The following NR4A2 variants were observed in gnomAD, a reference collection of about 807,000 sequenced individuals.
The protein encoded by NR4A2 is nuclear receptor subfamily 4 group A member 2.
NR4A2 carries 1 observed loss-of-function variant against 50.5 expected under a neutral mutation model. The observed-to-expected ratio is 0.02, with a 90% CI of 0.01 to 0.09. The LOEUF (loss-of-function observed/expected upper bound fraction) is 0.09. Among genes scored for constraint, NR4A2 ranks in the 10% least tolerant of loss-of-function variants. NR4A2 has a pLI of 1.00. For missense variants in NR4A2, 613 were observed against 777.3 expected (o/e 0.79, Z 2.51); for synonymous variants, 328 against 309.4 (o/e 1.06, Z -0.63).
Position 156,326,797 on chromosome 2 carries a change from C to G in NR4A2, c.1282G>C (p.Ala428Pro), listed in dbSNP as rs1202943200. ...TCTTGGTCGGCTTTGGGCAGGTCTG[C>G]GAAGCCAGGGATCTTCTCTGCCCAG... ...RGWAEKIPGF[A>P]DLPKADQDLL... The change falls in exon 6 of 8, where the codon GCA (alanine) becomes CCA (proline). Residue 428 changes from alanine (A) to proline (P), a missense_variant. Coordinates refer to ENST00000339562, the MANE Select transcript of NR4A2 (RefSeq NM_006186.4). This position sits in a 1 kb window ranked among gnomAD's most constrained non-coding sequence, Gnocchi z 4.2. 6.2e-7 allele frequency: 1 copy of G among 1,614,184 alleles called. No individual in the cohort carries two copies. Among genetic ancestry groups the G allele is most frequent in the Non-Finnish European group, 8.5e-7 (1 of 1,180,030 alleles).
intron 1 of NR4A2, 102 bp from the exon 2 acceptor site, chr2:156,330,893 G>T: frequency 9.7e-7 from 1 of 1,035,954 alleles, no homozygotes; most frequent in Non-Finnish European, 1.2e-6. Context: ...TTCCCTGTTT[G>T]TCTCATTGGA....
In NR4A2 at chr2:156,326,178, G is replaced by A; in HGVS notation, c.1512C>T (p.Ser504=). The A allele has an allele frequency of 6.2e-7, 1 of 1,614,260 alleles. No homozygotes were observed. Among genetic ancestry groups the A allele is most frequent in the East Asian group, 2.2e-5 (1 of 44,892 alleles). Residue 504 remains serine (S), a synonymous_variant, in exon 7 of 8, where the codon TCC becomes TCT. Coordinates refer to ENST00000339562, the MANE Select transcript of NR4A2 (RefSeq NM_006186.4). This position sits in a 1 kb window ranked among gnomAD's most constrained non-coding sequence, Gnocchi z 4.2. ...QNMNIDISAF[S]CIAALAMVTE... is the part of the protein sequence containing the mutation. Reference sequence around the variant, plus strand: ...TGACCATAGCCAGGGCAGCAATGCAGGAGAAGGCAGAAATGTCGATGTTCA... The same window carrying A: ...TGACCATAGCCAGGGCAGCAATGCAAGAGAAGGCAGAAATGTCGATGTTCA...
rs962137485 is a variant in NR4A2 at position 156,332,695 on chromosome 2, GC to G, written c.-343del. ...GCCGCCGGGCGGACTGGCCCTGGCC[GC>G]CAATGTGCCTTTGTTTATGTGGCTT... is the stretch of plus-strand genomic sequence containing the variant. On this transcript the variant is annotated 5_prime_UTR_variant, in exon 1 of 8. Transcript: ENST00000339562. 3 of 371,596 alleles carry G rather than the reference GC, an allele frequency of 8.1e-6. No individual in the cohort carries two copies. Among genetic ancestry groups the G allele is most frequent in the Non-Finnish European group, 1.6e-5 (3 of 189,548 alleles). 23.0% of individuals were successfully genotyped at this position (371,596 alleles called of 1,614,324 possible).
Position 156,325,607 on chromosome 2 carries a change from G to C in NR4A2, c.*137C>G. The stretch of plus-strand genomic sequence containing the variant: ...TTGTTTGTTTTCTTTAGGGATCAAG[G>C]GGGCTAGGAGGGTTACAGAAATGGG... On this transcript the variant is annotated 3_prime_UTR_variant, in exon 8 of 8. Coordinates refer to ENST00000339562, the MANE Select transcript of NR4A2 (RefSeq NM_006186.4). 9.1e-7 allele frequency: 1 copy of C among 1,101,360 alleles called. No individual in the cohort carries two copies. Among genetic ancestry groups the C allele is most frequent in the Admixed American group, 1.7e-5 (1 of 57,506 alleles). The allele number at this position is 1,101,360 out of a possible 1,614,324, so 68.2% of individuals were successfully genotyped here.
At position 156,328,516 on chromosome 2, in the gene NR4A2, A is replaced by C. The variant is rs770975527; in HGVS notation, c.882T>G (p.Asn294Lys). ...TATTTGCTAAACACACGTATTTTGCATTTTTTTGCACTGTGCGCTGCAAAA... is the reference window on the plus strand; with the variant it reads ...TATTTGCTAAACACACGTATTTTGCCTTTTTTTGCACTGTGCGCTGCAAAA... ...KGFFKRTVQK[N>K]AKYVCLANKN... Residue 294 changes from asparagine (N) to lysine (K), a missense_variant, in exon 4 of 8, where the codon AAT becomes AAG. By Grantham distance (94) the Asn-to-Lys change is moderately conservative. Around this residue, in one of 4 missense-constraint regions of NR4A2, gnomAD observed 27 missense variants for 120.7 expected, o/e 0.22. Transcript: ENST00000339562. This position sits in a 1 kb window ranked among gnomAD's most constrained non-coding sequence, Gnocchi z 4.9. 1.2e-6 allele frequency: 2 copies of C among 1,614,014 alleles called. No individual in the cohort carries two copies. Among genetic ancestry groups the C allele is most frequent in the African/African-American group, 2.7e-5 (2 of 74,906 alleles).
At position 156,325,522 on chromosome 2, in the gene NR4A2, G is replaced by C. The variant is rs1686601550; in HGVS notation, c.*222C>G. The stretch of plus-strand genomic sequence containing the variant: ...TGTTCTAAATCCAGGATGCCCCGGA[G>C]CCAAAATGCCCTTTCAGGTTCTGCC... On this transcript the variant is annotated 3_prime_UTR_variant, in exon 8 of 8. Coordinates refer to ENST00000339562, the MANE Select transcript of NR4A2 (RefSeq NM_006186.4). 3 of 600,226 alleles carry C rather than the reference G, an allele frequency of 5.0e-6. No homozygotes were observed. The South Asian group carries it at 5.8e-5, about 12-fold the overall frequency. The allele number at this position is 600,226 out of a possible 1,614,324, so 37.2% of individuals were successfully genotyped here. A position where few individuals can be genotyped will look rare whatever the true frequency, so the allele number is the denominator to read the frequency against.
intron 2 of NR4A2, 113 bp downstream of exon 2, chr2:156,330,555 G>T: frequency 8.8e-7 from 1 of 1,135,516 alleles, no homozygotes; most frequent in Non-Finnish European, 1.2e-6. Flanking sequence ...TGAGAAAGTT[G>T]TTCCCGAAGG....
chr2:156,326,265 G>C lies in NR4A2; in HGVS notation c.1425C>G (p.Cys475Trp). The stretch of plus-strand genomic sequence containing the variant: ...CAATCCATTCCCCAAAGCCACGAAC[G>C]CATTGCAACCTGTGCAAGACCACCC... The part of the protein sequence containing the change: ...CNGVVLHRLQ[C>W]VRGFGEWIDS... Residue 475 changes from cysteine (C) to tryptophan (W), a missense_variant, in exon 7 of 8, where the codon TGC becomes TGG. Coordinates refer to ENST00000339562, the MANE Select transcript of NR4A2 (RefSeq NM_006186.4). The surrounding 1 kb of genome is among the most constrained non-coding windows in gnomAD (Gnocchi z 4.2). 2 of 1,614,212 alleles carry C rather than the reference G, an allele frequency of 1.2e-6. No homozygotes were observed. Among genetic ancestry groups the C allele is most frequent in the Non-Finnish European group, 1.7e-6 (2 of 1,180,028 alleles).
rs200906379 is a variant in NR4A2, at chr2:156,329,476, G to T, written c.711C>A (p.Ile237=). 2.0e-5 allele frequency: 32 copies of T among 1,606,816 alleles called. No individual in the cohort carries two copies. The East Asian group carries it at 6.5e-4, about 33-fold the overall frequency. The change falls in exon 3 of 8, where the codon ATC becomes ATA. Residue 237 remains isoleucine (I), a synonymous_variant. Coordinates refer to ENST00000339562, the MANE Select transcript of NR4A2 (RefSeq NM_006186.4). This position sits in a 1 kb window ranked among gnomAD's most constrained non-coding sequence, Gnocchi z 7.5. Reference sequence around the variant, plus strand: ...TGTCGAGCAGCTGAGACGCGTGGCCGATCTGCAGGCCCGGGAAGCCCATGG... The same window carrying T: ...TGTCGAGCAGCTGAGACGCGTGGCCTATCTGCAGGCCCGGGAAGCCCATGG... ...PASMGFPGLQ[I]GHASQLLDTQ...
At position 156,330,078 on chromosome 2, in the gene NR4A2, G is replaced by C; in HGVS notation, c.109C>G (p.Pro37Ala). 1 of 1,614,186 alleles carries C rather than the reference G, an allele frequency of 6.2e-7. No individual in the cohort carries two copies. Among genetic ancestry groups the C allele is most frequent in the South Asian group, 1.1e-5 (1 of 91,086 alleles). Residue 37 changes from proline to alanine, a missense_variant, in exon 3 of 8, where the codon CCA becomes GCA. Physicochemically the swap from Pro to Ala is conservative, Grantham distance 27. Around this residue, in one of 4 missense-constraint regions of NR4A2, gnomAD observed 61 missense variants for 96.4 expected, o/e 0.63. Transcript: ENST00000339562. ...SGEYSSDFLTPEFVKFSMDLT... is the reference protein window; with the variant it reads ...SGEYSSDFLTAEFVKFSMDLT... ...TCCATGCTAAACTTGACAAACTCTG[G>C]AGTTAAGAAATCGGAGCTGTATTCT...
At position 156,330,166 on chromosome 2, in the gene NR4A2, C is replaced by G. The variant is rs781030113; in HGVS notation, c.21G>C (p.Gln7His). The G allele has an allele frequency of 6.2e-7, 1 of 1,614,166 alleles. No individual in the cohort carries two copies. Among genetic ancestry groups the G allele is most frequent in the Non-Finnish European group, 8.5e-7 (1 of 1,180,030 alleles). ...TGGCTCCTTGAGGCGAGGACCCATA[C>G]TGCGCCTGAACACAAGGCATGGCTG... MPCVQAQYGSSPQGASP... is the reference protein window; with the variant it reads MPCVQAHYGSSPQGASP... Residue 7 changes from glutamine (Q) to histidine (H), a missense_variant, in exon 3 of 8, where the codon CAG becomes CAC. This residue lies in a region of NR4A2 where 61 missense variants were observed against 96.4 expected (regional missense o/e 0.63). Coordinates refer to ENST00000339562, the MANE Select transcript of NR4A2 (RefSeq NM_006186.4).
chr2:156,329,439 A>G lies in NR4A2; in HGVS notation c.748T>C (p.Ser250Pro). 3 of 1,608,844 alleles carry G rather than the reference A, an allele frequency of 1.9e-6. No individual in the cohort carries two copies. The highest frequency in any genetic ancestry group is 8.5e-7 in the Non-Finnish European group (1 of 1,179,204). Residue 250 changes from serine to proline, a missense_variant, in exon 3 of 8, where the codon TCA becomes CCA. Ser to Pro is a moderately conservative substitution (Grantham distance 74). Transcript: ENST00000339562. The surrounding 1 kb of genome is among the most constrained non-coding windows in gnomAD (Gnocchi z 7.5). ...GAGGGGGAGCCCCGCGACGGCGGTG[A>G]GGGCACCTGCGTGTCGAGCAGCTGA... ...ASQLLDTQVP[S>P]PPSRGSPSNE...
Position 156,325,570 on chromosome 2 carries a change from GT to G in NR4A2, c.*173del. 1.1e-6 allele frequency: 1 copy of G among 878,060 alleles called. No individual in the cohort carries two copies. The highest frequency in any genetic ancestry group is 1.8e-6 in the Non-Finnish European group (1 of 559,036). 54.4% of individuals were successfully genotyped at this position (878,060 alleles called of 1,614,324 possible). On this transcript the variant is annotated 3_prime_UTR_variant, in exon 8 of 8. Coordinates refer to ENST00000339562, the MANE Select transcript of NR4A2 (RefSeq NM_006186.4). Reference sequence around the variant, plus strand: ...GCCTGCAGGTTAGGAAATAGCAACAGTTTTTGTTTGTTTGTTTGTTTTCTTT... The same window carrying G: ...GCCTGCAGGTTAGGAAATAGCAACAGTTTTGTTTGTTTGTTTGTTTTCTTT...
In NR4A2 at chr2:156,328,464, G is replaced by T. The variant is rs769178148; in HGVS notation, c.934C>A (p.Arg312=). 2.5e-6 allele frequency: 4 copies of T among 1,614,194 alleles called. No individual in the cohort carries two copies. The highest frequency in any genetic ancestry group is 2.5e-6 in the Non-Finnish European group (3 of 1,180,036). Residue 312 remains arginine (R), a synonymous_variant, in exon 4 of 8, where the codon CGG becomes AGG. Coordinates refer to ENST00000339562, the MANE Select transcript of NR4A2 (RefSeq NM_006186.4). This position sits in a 1 kb window ranked among gnomAD's most constrained non-coding sequence, Gnocchi z 4.9. ...AATCGGCAGTACTGACAGCGATTCC[G>T]GCGACGCTTGTCCACTGGGCAGTTT... ...NKNCPVDKRR[R]NRCQYCRFQK...
At position 156,325,660 on chromosome 2, in the gene NR4A2, CG is replaced by C. The variant is rs1250295815; in HGVS notation, c.*83del. 1 of 1,541,444 alleles carries C rather than the reference CG, an allele frequency of 6.5e-7. No individual in the cohort carries two copies. Among genetic ancestry groups the C allele is most frequent in the Non-Finnish European group, 9.0e-7 (1 of 1,116,298 alleles). On this transcript the variant is annotated 3_prime_UTR_variant, in exon 8 of 8. Coordinates refer to ENST00000339562, the MANE Select transcript of NR4A2 (RefSeq NM_006186.4). ...GCAGCTTGAGCTGAGACTGCTCACACGGCTATCTCTGCCCATGTGACTTGCC... is the reference window on the plus strand; with the variant it reads ...GCAGCTTGAGCTGAGACTGCTCACACGCTATCTCTGCCCATGTGACTTGCC...
In NR4A2 at chr2:156,330,135, C is replaced by T. The variant is rs1279758091; in HGVS notation, c.52G>A (p.Ala18Thr). Reference sequence around the variant, plus strand: ...GAGTGGTAACTGTAGCTCTGAGAAGCGGGGCTGGCTCCTTGAGGCGAGGAC... The same window carrying T: ...GAGTGGTAACTGTAGCTCTGAGAAGTGGGGCTGGCTCCTTGAGGCGAGGAC... Reference protein sequence around the residue: ...YGSSPQGASPASQSYSYHSSG... With the variant: ...YGSSPQGASPTSQSYSYHSSG... The change falls in exon 3 of 8, where the codon GCT becomes ACT. Residue 18 changes from alanine to threonine, a missense_variant. Around this residue, in one of 4 missense-constraint regions of NR4A2, gnomAD observed 61 missense variants for 96.4 expected, o/e 0.63. Coordinates refer to ENST00000339562, the MANE Select transcript of NR4A2 (RefSeq NM_006186.4). 6.2e-7 allele frequency: 1 copy of T among 1,614,076 alleles called. No individual in the cohort carries two copies. The highest frequency in any genetic ancestry group is 1.7e-5 in the Admixed American group (1 of 60,010).
rs1573815303 is a variant in NR4A2 at position 156,328,087 on chromosome 2, G to T, written c.995-73C>A. ...AGCTGCTGCCTCGGTCCCTCCCCGG[G>T]GAAGGCCGCAGCCGCGGGGCACCAG... On this transcript the variant is annotated intron_variant, in intron 4 of 7. Coordinates refer to ENST00000339562, the MANE Select transcript of NR4A2 (RefSeq NM_006186.4). This position sits in a 1 kb window ranked among gnomAD's most constrained non-coding sequence, Gnocchi z 4.9. 1.3e-6 allele frequency: 2 copies of T among 1,553,390 alleles called. No individual in the cohort carries two copies. Among genetic ancestry groups the T allele is most frequent in the East Asian group, 4.8e-5 (2 of 41,772 alleles).
chr2:156,325,473 T>C lies in NR4A2; in HGVS notation c.*271A>G, dbSNP rs1686600403. On this transcript the variant is annotated 3_prime_UTR_variant, in exon 8 of 8. Transcript: ENST00000339562. Reference sequence around the variant, plus strand: ...TTTTAAACTGAGAATAAAAAGTTTATACCACTGTATTGTGTGTAGTCCATG... The same window carrying C: ...TTTTAAACTGAGAATAAAAAGTTTACACCACTGTATTGTGTGTAGTCCATG... 1.7e-5 allele frequency: 8 copies of C among 479,030 alleles called. No individual in the cohort carries two copies. Among genetic ancestry groups the C allele is most frequent in the Middle Eastern group, 6.0e-4 (1 of 1,672 alleles). The allele number at this position is 479,030 out of a possible 1,614,324, so 29.7% of individuals were successfully genotyped here.
At chr2:156,332,123 C>G (rs1686958256) in intron 1 of NR4A2, among the ~76,000 whole-genome samples, 1 of 152,182 alleles carries the variant, frequency 6.6e-6, no homozygotes, top group East Asian at 1.9e-4. Flanking sequence ...ATACATAGGA[C>G]TTGGAGTCTC....
Sources: gnomAD v4.1 joint callset for allele counts (sites outside exome capture counted in the v4.1 genomes callset) on GRCh38, gnomAD v4.1.1 for gene constraint, gnomAD v4.1.1 regional missense constraint, Gnocchi (gnomAD v3.1) non-coding constraint, MANE v1.5 for transcripts, NCBI Gene and HGNC (gene_info 2026-07-23, HGNC 2026-07-21) for gene names.